The following TTLL11 variants were observed in gnomAD, a reference collection of about 807,000 sequenced individuals.
TTLL11 encodes the protein tubulin tyrosine ligase like 11.
A neutral mutation model predicts 51.7 loss-of-function variants in TTLL11; 42 were observed. The ratio of observed to expected loss-of-function variants is 0.81; its 90% confidence interval spans 0.64 to 1.05. The LOEUF (loss-of-function observed/expected upper bound fraction) is 1.05, where lower values mean the gene tolerates loss of function less well. Ranked by LOEUF, TTLL11 falls within the 50% of genes least tolerant of loss-of-function variation. The pLI, the probability that TTLL11 is intolerant of heterozygous loss-of-function variation, is 0.00. For synonymous variants in TTLL11, 381 were observed against 383.5 expected, an observed-to-expected ratio of 0.99 and a Z score of 0.08; for missense variants, 799 against 940.4, an observed-to-expected ratio of 0.85 and a Z score of 1.97.
intron 3 of TTLL11, among the ~76,000 whole-genome samples, chr9:121,990,868 G>C (rs1446437184): frequency 6.6e-6 from 1 of 152,198 alleles, no homozygotes; most frequent in African/African-American, 2.4e-5. Context: ...GACCAGTCCA[G>C]ATAGTCGATC....
chr9:121,827,698 TA>T (rs1836858878), intron 8 of TTLL11, among the ~76,000 whole-genome samples: 1 of 152,136 alleles, frequency 6.6e-6, no homozygotes, highest in Non-Finnish European at 1.5e-5. Context: ...TTTGACTAGA[TA>T]TTGGCTTTAA....
Position 121,989,771 on chromosome 9 carries a change from C to A in TTLL11, c.694-1G>T, listed in dbSNP as rs1450528571. 6.3e-7 allele frequency: 1 copy of A among 1,586,338 alleles called. No individual in the cohort carries two copies. The highest frequency in any genetic ancestry group is 1.4e-5 in the African/African-American group (1 of 73,928). ...GGTCATCGTCTTTCACCATTTGAAC[C>A]TGGAGGGGGAAAAAAGGATGGCCGA... On this transcript the variant is annotated splice_acceptor_variant, in intron 3 of 8. Coordinates refer to ENST00000321582, the MANE Select transcript of TTLL11 (RefSeq NM_001139442.2). LOFTEE classifies it high-confidence loss of function. The surrounding 1 kb of genome is among the most constrained non-coding windows in gnomAD (Gnocchi z 4.2).
intron 2 of TTLL11, among the ~76,000 whole-genome samples, chr9:122,032,720 A>C (rs1165511512): frequency 6.6e-6 from 1 of 151,618 alleles, no homozygotes; most frequent in Non-Finnish European, 1.5e-5. Context: ...GAAGAAACTG[A>C]GTACTATATA....
intron 8 of TTLL11, among the ~76,000 whole-genome samples, chr9:121,832,019 G>C (rs1011870376): frequency 5.3e-5 from 8 of 152,214 alleles, no homozygotes; most frequent in African/African-American, 1.7e-4. Flanking sequence ...CAGAGAGGCA[G>C]ATTGGGCTCT....
chr9:121,861,268 A>G (rs979444052), intron 7 of TTLL11, among the ~76,000 whole-genome samples: 2 of 151,984 alleles, frequency 1.3e-5, no homozygotes, highest in African/African-American at 4.8e-5. Context: ...GTAGAGACGG[A>G]GTTTCACCAT....
At position 121,821,988 on chromosome 9, in the gene TTLL11, CTTAA is replaced by C. The variant is rs1250619594; in HGVS notation, c.*595_*598del. 3.3e-5 allele frequency: 5 copies of C among 152,142 alleles called. No homozygotes were observed. The highest frequency in any genetic ancestry group is 6.5e-5 in the Admixed American group (1 of 15,276). 9.4% of individuals were successfully genotyped at this position (152,142 alleles called of 1,614,324 possible). A position where few individuals can be genotyped will look rare whatever the true frequency, so the allele number is the denominator to read the frequency against. The stretch of plus-strand genomic sequence containing the variant: ...TTAGTTACTTCTTAATTAATTTTTT[CTTAA>C]TTAATAACAAACCAAATATTGCAGC... On this transcript the variant is annotated 3_prime_UTR_variant, in exon 9 of 9. Coordinates refer to ENST00000321582, the MANE Select transcript of TTLL11 (RefSeq NM_001139442.2). This position sits in a 1 kb window ranked among gnomAD's most constrained non-coding sequence, Gnocchi z 5.0.
intron 1 of TTLL11, among the ~76,000 whole-genome samples, chr9:122,050,487 C>T (rs1283112921): frequency 6.6e-6 from 1 of 152,084 alleles, no homozygotes; most frequent in Non-Finnish European, 1.5e-5. Flanking sequence ...TACATGACGG[C>T]CTCCCTCACC....
At chr9:121,917,143 G>A (rs1310041515) in intron 6 of TTLL11, among the ~76,000 whole-genome samples, 2 of 152,080 alleles carry the variant, frequency 1.3e-5, no homozygotes, top group East Asian at 1.9e-4. Flanking sequence ...TGGCTAATGC[G>A]ATGTGATGTT....
chr9:121,851,820 A>G (rs1485586149), intron 8 of TTLL11, among the ~76,000 whole-genome samples: 1 of 130,720 alleles, frequency 7.6e-6, no homozygotes, highest in Admixed American at 7.3e-5. Context: ...GGAGGAACGG[A>G]TGGATGAGAG....
chr9:121,941,768 G>C (rs946044850), intron 6 of TTLL11, among the ~76,000 whole-genome samples: 2 of 152,064 alleles, frequency 1.3e-5, no homozygotes, highest in Admixed American at 6.5e-5. Flanking sequence ...GTCCCCCAGG[G>C]ATATTTGTGT....
At chr9:122,013,362 G>A (rs1379753805) in intron 3 of TTLL11, among the ~76,000 whole-genome samples, 19 of 152,212 alleles carry the variant, frequency 1.2e-4, no homozygotes, top group Non-Finnish European at 2.9e-5. Flanking sequence ...ATAGGAGGTG[G>A]AGTAGGGGAG....
At position 121,849,931 on chromosome 9, in the gene TTLL11, T is replaced by G. The variant is rs185531160; in HGVS notation, c.1840+10406A>C. Among the ~76,000 whole-genome samples, 411 of 152,372 alleles carry G rather than the reference T, an allele frequency of 2.7e-3. 4 individuals carry two copies. Among genetic ancestry groups the G allele is most frequent in the African/African-American group, 9.4e-3 (391 of 41,584 alleles). On this transcript the variant is annotated intron_variant, in intron 8 of 8. Coordinates refer to ENST00000321582, the MANE Select transcript of TTLL11 (RefSeq NM_001139442.2). ...TCCTTATATAAAATGGTGTAGTATT[T>G]GCATATAACCTATGCACATCCTGCT...
At chr9:121,868,317 A>G (rs1013386588) in intron 7 of TTLL11, among the ~76,000 whole-genome samples, 12 of 152,108 alleles carry the variant, frequency 7.9e-5, no homozygotes, top group African/African-American at 2.7e-4. Context: ...CTGCCTACCT[A>G]TCTGTTCTCT....
chr9:121,902,967 C>T (rs1285515038), intron 6 of TTLL11, among the ~76,000 whole-genome samples: 1 of 152,078 alleles, frequency 6.6e-6, no homozygotes, highest in South Asian at 2.1e-4. Flanking sequence ...TATCATCTAC[C>T]CCTGGGACTC....
At chr9:122,011,939 G>T (rs1843801619) in intron 3 of TTLL11, among the ~76,000 whole-genome samples, 1 of 152,150 alleles carries the variant, frequency 6.6e-6, no homozygotes, top group African/African-American at 2.4e-5. Flanking sequence ...GAAGGTGGGA[G>T]AAGAGGGTGC....
In TTLL11 at chr9:121,959,833, C is replaced by G. The variant is rs116246399; in HGVS notation, c.1481+14176G>C. Among the ~76,000 whole-genome samples the G allele has an allele frequency of 4.2e-3, 646 of 152,074 alleles. 3 individuals carry two copies. The highest frequency in any genetic ancestry group is 0.015 in the African/African-American group (608 of 41,512). ...GACTCATTAATTAGGCCCTGCAGCTCTGGCCCCATCTCTTGACACCGTCCC... is the reference window on the plus strand; with the variant it reads ...GACTCATTAATTAGGCCCTGCAGCTGTGGCCCCATCTCTTGACACCGTCCC... On this transcript the variant is annotated intron_variant, in intron 6 of 8. Transcript: ENST00000321582.
intron 1 of TTLL11, among the ~76,000 whole-genome samples, chr9:122,078,302 A>G (rs1286006520): frequency 2.0e-5 from 3 of 152,220 alleles, no homozygotes; most frequent in East Asian, 1.9e-4. Context: ...AGATACATAT[A>G]AAATACTCTA....
chr9:121,880,838 C>T (rs546332592), intron 6 of TTLL11, among the ~76,000 whole-genome samples: 1 of 152,374 alleles, frequency 6.6e-6, no homozygotes, highest in African/African-American at 2.4e-5. Context: ...CCTGAGGACG[C>T]TGAAGCGTGG....
chr9:121,826,218 G>A (rs4837896), intron 8 of TTLL11, among the ~76,000 whole-genome samples: 39,335 of 58,092 alleles, frequency 0.68, 12,325 homozygotes, highest in East Asian at 0.82. Flanking sequence ...ATATATATAT[G>A]CACACATATA....
Sources: allele counts gnomAD v4.1 joint callset (sites outside exome capture counted in the v4.1 genomes callset), GRCh38; gene constraint gnomAD v4.1.1; non-coding constraint Gnocchi (gnomAD v3.1); transcripts MANE v1.5; gene names NCBI Gene and HGNC (gene_info 2026-07-23, HGNC 2026-07-21).